Variants in NFASC observed in about 807,000 individuals in gnomAD.
NFASC encodes the protein neurofascin homolog.
A neutral mutation model predicts 147.5 loss-of-function variants in NFASC; 43 were observed. The ratio of observed to expected loss-of-function variants is 0.29; its 90% CI spans 0.23 to 0.38. The LOEUF is 0.38. Ranked by LOEUF, NFASC falls within the 10% of genes least tolerant of loss-of-function variation. NFASC has a pLI of 1.00. For missense variants in NFASC, 1,320 were observed against 1,689.0 expected, an observed-to-expected ratio of 0.78 and a Z score of 3.83; for synonymous variants, 622 against 665.5, an observed-to-expected ratio of 0.93 and a Z score of 1.01.
At chr1:204,955,814 C>T (rs537196823) in intron 7 of NFASC, among the ~76,000 whole-genome samples, 8 of 152,128 alleles carry the variant, frequency 5.3e-5, no homozygotes, top group Non-Finnish European at 1.0e-4. Flanking sequence ...ATATCTCCAC[C>T]TACGTACCTG....
intron 24 of NFASC, among the ~76,000 whole-genome samples, chr1:204,996,692 G>A (rs1408897366): frequency 6.6e-6 from 1 of 152,176 alleles, no homozygotes; most frequent in East Asian, 1.9e-4. Flanking sequence ...TGGAGTGATT[G>A]GTTGGGAATG....
intron 1 of NFASC, among the ~76,000 whole-genome samples, chr1:204,863,657 C>G (rs2076857146): frequency 2.0e-5 from 3 of 151,984 alleles, no homozygotes; most frequent in African/African-American, 7.3e-5. Context: ...CGAGACCAGT[C>G]TAGCCAACAT....
At chr1:204,829,628 A>T (rs1240814376) in intron 1 of NFASC, among the ~76,000 whole-genome samples, 2 of 150,744 alleles carry the variant, frequency 1.3e-5, no homozygotes, top group East Asian at 3.9e-4. Context: ...CAGCCACTCT[A>T]CTCCTCTAGC....
At chr1:204,957,010 T>G (rs2150052718) in intron 7 of NFASC, among the ~76,000 whole-genome samples, 1 of 152,336 alleles carries the variant, frequency 6.6e-6, no homozygotes, top group Admixed American at 6.5e-5. Flanking sequence ...TGAAATCAGA[T>G]TTAACATCTC....
chr1:204,907,275 T>C (rs2086210194), intron 1 of NFASC, among the ~76,000 whole-genome samples: 1 of 152,170 alleles, frequency 6.6e-6, no homozygotes, highest in Non-Finnish European at 1.5e-5. Flanking sequence ...AGTGTCTGTT[T>C]AGCAAAATGA....
intron 11 of NFASC, among the ~76,000 whole-genome samples, chr1:204,971,995 G>A (rs1237408046): frequency 1.3e-5 from 2 of 152,236 alleles, no homozygotes; most frequent in Non-Finnish European, 2.9e-5. Flanking sequence ...AGTGACTGGG[G>A]GGATTATTGG....
At chr1:204,832,860 C>A (rs1363248126) in intron 1 of NFASC, among the ~76,000 whole-genome samples, 1 of 152,196 alleles carries the variant, frequency 6.6e-6, no homozygotes, top group Admixed American at 6.5e-5. Context: ...GTGATTGCAC[C>A]AAACTGTCTG....
At chr1:204,881,667 A>C (rs766307227) in intron 1 of NFASC, among the ~76,000 whole-genome samples, 6 of 152,196 alleles carry the variant, frequency 3.9e-5, no homozygotes, top group Non-Finnish European at 7.3e-5. Flanking sequence ...ACGGGATAGT[A>C]GACAAAAGAC....
rs2095109034 is a variant in NFASC, at chr1:204,969,134, C to G, written c.1003+152C>G. On this transcript the variant is annotated intron_variant, in intron 10 of 29. Coordinates refer to ENST00000339876, the MANE Select transcript of NFASC (RefSeq NM_001005388.3). The stretch of plus-strand genomic sequence containing the variant: ...TGGCGATCTGCCATGGATGGTGTCA[C>G]TCGCTGGACGTGAGAGGGTGTGTGC... 10 of 708,294 alleles carry G rather than the reference C, an allele frequency of 1.4e-5. 1 individual carries two copies. The South Asian group carries it at 1.9e-4, about 13-fold the overall frequency. 43.9% of individuals were successfully genotyped at this position (708,294 alleles called of 1,614,324 possible).
chr1:204,968,252 G>A lies in NFASC; in HGVS notation c.710G>A (p.Arg237Gln), dbSNP rs779937217. 3.0e-5 allele frequency: 48 copies of A among 1,613,254 alleles called. No homozygotes were observed. Among genetic ancestry groups the A allele is most frequent in the South Asian group, 2.2e-4 (20 of 91,054 alleles). The change falls in exon 9 of 30, where the codon CGA (arginine) becomes CAA (glutamine). Residue 237 changes from arginine to glutamine, a missense_variant. Arg to Gln is a conservative substitution (Grantham distance 43, BLOSUM62 1). Transcript: ENST00000339876. This position sits in a 1 kb window ranked among gnomAD's most constrained non-coding sequence, Gnocchi z 5.4. Reference sequence around the variant, plus strand: ...AGTTTGTTCTCTCCTGTTTCAGCCCGAGGAGTTGCAGAAAGAACACCAAGC... The same window carrying A: ...AGTTTGTTCTCTCCTGTTTCAGCCCAAGGAGTTGCAGAAAGAACACCAAGC... Reference protein sequence around the residue: ...NPFTLKVLTTRGVAERTPSFM... With the variant: ...NPFTLKVLTTQGVAERTPSFM...
intron 1 of NFASC, among the ~76,000 whole-genome samples, chr1:204,897,184 G>A (rs551075414): frequency 5.3e-5 from 8 of 152,246 alleles, no homozygotes; most frequent in South Asian, 4.1e-4. Flanking sequence ...GCTTGGTCTA[G>A]GCTAGGATAT....
At chr1:204,933,800 A>T (rs982019849) in intron 2 of NFASC, among the ~76,000 whole-genome samples, 1 of 151,978 alleles carries the variant, frequency 6.6e-6, no homozygotes, top group Non-Finnish European at 1.5e-5. Flanking sequence ...TCTAGTATGC[A>T]TATATAGGGA....
Position 204,987,198 on chromosome 1 carries a change from T to C in NFASC, c.2471-220T>C. The C allele has an allele frequency of 1.8e-6, 1 of 564,320 alleles. No homozygotes were observed. The highest frequency in any genetic ancestry group is 2.9e-5 in the East Asian group (1 of 34,740). The allele number at this position is 564,320 out of a possible 1,614,324, so 35.0% of individuals were successfully genotyped here. A position where few individuals can be genotyped will look rare whatever the true frequency, so the allele number is the denominator to read the frequency against. On this transcript the variant is annotated intron_variant, in intron 21 of 29. Coordinates refer to ENST00000339876, the MANE Select transcript of NFASC (RefSeq NM_001005388.3). This position sits in a 1 kb window ranked among gnomAD's most constrained non-coding sequence, Gnocchi z 4.4. ...CTTCTTCCTCTCTTAAATAGCAGAGTCTGAGCTATGTTTGTCCTCAGACCT... is the reference window on the plus strand; with the variant it reads ...CTTCTTCCTCTCTTAAATAGCAGAGCCTGAGCTATGTTTGTCCTCAGACCT...
chr1:205,012,888 C>G, intron 29 of NFASC, 22 bp downstream of exon 29: 1 of 1,584,184 alleles, frequency 6.3e-7, no homozygotes, highest in Non-Finnish European at 8.7e-7. Flanking sequence ...CCCTCCTCCT[C>G]TCTCAGGCAG....
At position 204,987,231 on chromosome 1, in the gene NFASC, A is replaced by G. The variant is rs898505562; in HGVS notation, c.2471-187A>G. On this transcript the variant is annotated intron_variant, in intron 21 of 29. Transcript: ENST00000339876. The surrounding 1 kb of genome is among the most constrained non-coding windows in gnomAD (Gnocchi z 4.4). ...ATGTTTGTCCTCAGACCTGAAGGAA[A>G]TAGCATCCTGGATGGGGCAATGGGC... 1 of 599,028 alleles carries G rather than the reference A, an allele frequency of 1.7e-6. No homozygotes were observed. Among genetic ancestry groups the G allele is most frequent in the African/African-American group, 1.9e-5 (1 of 53,902 alleles). The allele number at this position is 599,028 out of a possible 1,614,324, so 37.1% of individuals were successfully genotyped here.
intron 8 of NFASC, among the ~76,000 whole-genome samples, chr1:204,960,976 C>G (rs1037768526): frequency 6.6e-6 from 1 of 152,198 alleles, no homozygotes; most frequent in Non-Finnish European, 1.5e-5. Context: ...GGGATTGGAT[C>G]TGTCGACAAA....
At chr1:204,950,989 T>C (rs2094072625) in intron 4 of NFASC, among the ~76,000 whole-genome samples, 1 of 152,270 alleles carries the variant, frequency 6.6e-6, no homozygotes, top group Non-Finnish European at 1.5e-5. Flanking sequence ...AGAACCACCA[T>C]GACCCCTAAG....
At position 204,953,464 on chromosome 1, in the gene NFASC, A is replaced by AT. The variant is rs988687414; in HGVS notation, c.216-718dup. 1.1e-4 allele frequency among the ~76,000 whole-genome samples: 16 copies of AT among 152,136 alleles called. No homozygotes were observed. The South Asian group carries it at 2.3e-3, about 22-fold the overall frequency. ...AGGCACCCGCCACCACACCCGGCTA[A>AT]TTTTTTGTATTTTTAGTAGGACGGG... On this transcript the variant is annotated intron_variant, in intron 5 of 29. Transcript: ENST00000339876.
At chr1:205,000,839 A>C (rs2802810) in intron 25 of NFASC, 120,700 of 326,032 alleles carry the variant, frequency 0.37, 23,439 homozygotes, top group East Asian at 0.56. Context: ...AAAAAAAAAA[A>C]CAGAAAACAA....
Sources: allele counts gnomAD v4.1 joint callset (sites outside exome capture counted in the v4.1 genomes callset), GRCh38; gene constraint gnomAD v4.1.1; non-coding constraint Gnocchi (gnomAD v3.1); transcripts MANE v1.5; gene names NCBI Gene and HGNC (gene_info 2026-07-23, HGNC 2026-07-21).